The following CHCHD6 variants were observed in gnomAD, a reference collection of about 807,000 sequenced individuals.
CHCHD6 encodes coiled-coil-helix-coiled-coil-helix domain containing 6, also known as MICOS complex subunit MIC25.
In CHCHD6, 28 loss-of-function variants were observed where a neutral mutation model predicts 32.3. The observed-to-expected ratio is 0.87, with a 90% confidence interval of 0.64 to 1.19. CHCHD6 has a LOEUF of 1.19. Among genes scored for constraint, CHCHD6 ranks in the 50% most tolerant of loss-of-function variants. CHCHD6 has a pLI of 0.00. For synonymous variants in CHCHD6, 122 were observed against 117.5 expected (o/e 1.04, Z -0.25); for missense variants, 333 against 307.0 (o/e 1.08, Z -0.63).
At chr3:126,902,120 T>A (rs1414551457) in intron 5 of CHCHD6, among the ~76,000 whole-genome samples, 1 of 152,258 alleles carries the variant, frequency 6.6e-6, no homozygotes, top group East Asian at 1.9e-4. Context: ...CAACATGAGC[T>A]GCACATTAGA....
At chr3:126,953,004 G>A in intron 6 of CHCHD6, 1 of 985,456 alleles carries the variant, frequency 1.0e-6, no homozygotes, top group Non-Finnish European at 1.2e-6. Context: ...CCTATTTACT[G>A]AATGCCAATG....
chr3:126,710,569 A>C (rs1429582800), intron 1 of CHCHD6, among the ~76,000 whole-genome samples: 1 of 152,248 alleles, frequency 6.6e-6, no homozygotes, highest in Non-Finnish European at 1.5e-5. Context: ...ATTAGTATAC[A>C]CGAAATATCT....
At chr3:126,938,204 C>T (rs1299635037) in intron 6 of CHCHD6, among the ~76,000 whole-genome samples, 2 of 152,206 alleles carry the variant, frequency 1.3e-5, no homozygotes, top group East Asian at 3.9e-4. Flanking sequence ...GGCCTGGGGA[C>T]AAGGAGAGGG....
intron 5 of CHCHD6, among the ~76,000 whole-genome samples, chr3:126,902,330 C>T (rs1028685707): frequency 1.3e-5 from 2 of 152,164 alleles, no homozygotes; most frequent in African/African-American, 4.8e-5. Context: ...TGGCTGCCTT[C>T]CAGAGCCCAG....
intron 5 of CHCHD6, among the ~76,000 whole-genome samples, chr3:126,874,083 C>A (rs1295819159): frequency 6.6e-6 from 1 of 152,200 alleles, no homozygotes; most frequent in Non-Finnish European, 1.5e-5. Flanking sequence ...ATGTCGGGTC[C>A]CCTCCAGACA....
chr3:126,781,158 A>G (rs937170861), intron 4 of CHCHD6, among the ~76,000 whole-genome samples: 1 of 152,188 alleles, frequency 6.6e-6, no homozygotes, highest in African/African-American at 2.4e-5. Context: ...GTAAATGCCT[A>G]CAAAACTAGG....
intron 6 of CHCHD6, chr3:126,949,538 G>A (rs1163978334): frequency 1.7e-5 from 3 of 174,194 alleles, no homozygotes; most frequent in Admixed American, 6.8e-5. Context: ...CGGAAGGGAA[G>A]GCTGCTGCCC....
intron 4 of CHCHD6, among the ~76,000 whole-genome samples, chr3:126,761,417 A>G (rs1162585137): frequency 1.3e-5 from 2 of 152,174 alleles, no homozygotes; most frequent in Non-Finnish European, 2.9e-5. Flanking sequence ...ATAATACAGT[A>G]TAACTTCATT....
intron 4 of CHCHD6, among the ~76,000 whole-genome samples, chr3:126,803,844 A>G (rs531899712): frequency 1.3e-5 from 2 of 152,348 alleles, no homozygotes; most frequent in African/African-American, 4.8e-5. Flanking sequence ...GTAAAAGAAC[A>G]GAAATTATAA....
intron 4 of CHCHD6, among the ~76,000 whole-genome samples, chr3:126,753,745 G>C (rs995609571): frequency 6.6e-6 from 1 of 152,196 alleles, no homozygotes; most frequent in African/African-American, 2.4e-5. Flanking sequence ...CACGGGTTTG[G>C]TTCTTCCTGC....
chr3:126,835,665 T>C (rs116195186), intron 4 of CHCHD6, among the ~76,000 whole-genome samples: 1,549 of 152,320 alleles, frequency 0.01, 27 homozygotes, highest in African/African-American at 0.035. Flanking sequence ...GGAGCTGCAG[T>C]GAGAAGCAGC....
chr3:126,959,348 T>C (rs561275995), intron 7 of CHCHD6, among the ~76,000 whole-genome samples: 2 of 152,334 alleles, frequency 1.3e-5, no homozygotes, highest in East Asian at 3.9e-4. Context: ...GCAGTGTGTG[T>C]GCATTTGGAG....
chr3:126,947,545 C>A (rs769299024), intron 6 of CHCHD6, among the ~76,000 whole-genome samples: 2 of 152,224 alleles, frequency 1.3e-5, no homozygotes, highest in Non-Finnish European at 2.9e-5. Flanking sequence ...CTATCCCGGG[C>A]CCCTCTCACT....
At chr3:126,941,348 CT>C (rs1242424527) in intron 6 of CHCHD6, among the ~76,000 whole-genome samples, 2 of 152,292 alleles carry the variant, frequency 1.3e-5, no homozygotes, top group South Asian at 2.1e-4. Flanking sequence ...TTTCTAGACT[CT>C]TTTCCAGGCC....
At chr3:126,874,465 G>T (rs1210196098) in intron 5 of CHCHD6, among the ~76,000 whole-genome samples, 1 of 152,094 alleles carries the variant, frequency 6.6e-6, no homozygotes, top group Non-Finnish European at 1.5e-5. Flanking sequence ...TGTAGCCTTG[G>T]GATGGCACTC....
Position 126,881,643 on chromosome 3 carries a change from T to G in CHCHD6, c.495+28913T>G, listed in dbSNP as rs116059858. On this transcript the variant is annotated intron_variant, in intron 5 of 7. Coordinates refer to ENST00000290913, the MANE Select transcript of CHCHD6 (RefSeq NM_032343.3). ...ATAGAATTCAGAGCCCCAGAGTTAG[T>G]GCTGAGGGGATGGAAAGGAGCTTCT... 4.9e-3 allele frequency among the ~76,000 whole-genome samples: 745 copies of G among 152,176 alleles called. 5 individuals carry two copies. The highest frequency in any genetic ancestry group is 0.013 in the African/African-American group (522 of 41,512).
At chr3:126,953,600 A>G (rs1339296288) in intron 6 of CHCHD6, among the ~76,000 whole-genome samples, 1 of 152,186 alleles carries the variant, frequency 6.6e-6, no homozygotes, top group African/African-American at 2.4e-5. Flanking sequence ...CTGTTCTTCT[A>G]TGGGGCAAGC....
At position 126,704,278 on chromosome 3, in the gene CHCHD6, G is replaced by T; in HGVS notation, c.-35G>T. 6.4e-7 allele frequency: 1 copy of T among 1,569,002 alleles called. No individual in the cohort carries two copies. Among genetic ancestry groups the T allele is most frequent in the South Asian group, 1.1e-5 (1 of 89,054 alleles). ...CCCGGTTGCTCTGGAGCCGGGTCTC[G>T]GGTCTGGTGGCTGCCGGCCCTGCGG... On this transcript the variant is annotated 5_prime_UTR_variant, in exon 1 of 8. Transcript: ENST00000290913.
chr3:126,737,207 C>T (rs1308297390), intron 4 of CHCHD6, among the ~76,000 whole-genome samples: 1 of 151,958 alleles, frequency 6.6e-6, no homozygotes, highest in Non-Finnish European at 1.5e-5. Context: ...GGAATCCCAG[C>T]TACTTGGGAG....
Sources: gnomAD v4.1 joint callset for allele counts (sites outside exome capture counted in the v4.1 genomes callset) on GRCh38, gnomAD v4.1.1 for gene constraint, MANE v1.5 for transcripts, NCBI Gene and HGNC (gene_info 2026-07-23, HGNC 2026-07-21) for gene names.